CRACDL: variants seen among roughly 807,000 people sequenced by gnomAD.
The protein encoded by CRACDL is CRACD like.
CRACDL carries 26 observed loss-of-function variants against 70.6 expected under a neutral mutation model. That is an observed-to-expected ratio of 0.37 (90% CI 0.27 to 0.51). The LOEUF (loss-of-function observed/expected upper bound fraction) is 0.51. CRACDL is among the 20% of genes least tolerant of loss of function. CRACDL has a pLI of 0.94. For missense variants in CRACDL, 1,283 were observed against 1,376.9 expected (o/e 0.93, Z 1.08); for synonymous variants, 618 against 615.2 (o/e 1.00, Z -0.07).
Position 98,822,812 on chromosome 2 carries a change from G to A in CRACDL, c.1461C>T (p.Pro487=), listed in dbSNP as rs956894196. The change falls in exon 7 of 10, where the codon CCC becomes CCT. Residue 487 remains proline (P), a synonymous_variant. Coordinates refer to ENST00000397899, the MANE Select transcript of CRACDL (RefSeq NM_207362.3). The surrounding 1 kb of genome is among the most constrained non-coding windows in gnomAD (Gnocchi z 4.9). ...ERIGTEPSTA[P]APSPPAPKSC... is the part of the protein sequence containing the mutation. ...TCTTGGGCGCCGGCGGGCTCGGGGCGGGCGCCGTGGAGGGCTCGGTCCCAA... is the reference window on the plus strand; with the variant it reads ...TCTTGGGCGCCGGCGGGCTCGGGGCAGGCGCCGTGGAGGGCTCGGTCCCAA... The A allele has an allele frequency of 3.6e-6, 5 of 1,380,950 alleles. No homozygotes were observed. The highest frequency in any genetic ancestry group is 5.7e-5 in the East Asian group (2 of 35,008). The allele number at this position is 1,380,950 out of a possible 1,614,324, so 85.5% of individuals were successfully genotyped here. A position where few individuals can be genotyped will look rare whatever the true frequency, so the allele number is the denominator to read the frequency against.
Position 98,821,869 on chromosome 2 carries a change from G to T in CRACDL, c.2404C>A (p.Arg802Ser). The part of the protein sequence containing the change: ...EPRTAEKRPL[R>S]RGAEKSLPPA... ...GGCGGGCTCTTACCAGCTCCCCTGCGCAGCGGCCTTTTCTCCGCCGTCCTG... is the reference window on the plus strand; with the variant it reads ...GGCGGGCTCTTACCAGCTCCCCTGCTCAGCGGCCTTTTCTCCGCCGTCCTG... The change falls in exon 7 of 10, where the codon CGC becomes AGC. Residue 802 changes from arginine (R) to serine (S), a missense_variant. This residue lies in a region of CRACDL where 921 missense variants were observed against 881.9 expected (regional missense o/e 1.04). Coordinates refer to ENST00000397899, the MANE Select transcript of CRACDL (RefSeq NM_207362.3). The T allele has an allele frequency of 6.2e-7, 1 of 1,606,958 alleles. No homozygotes were observed.
intron 7 of CRACDL, among the ~76,000 whole-genome samples, chr2:98,801,284 C>T (rs1358279831): frequency 6.6e-6 from 1 of 152,176 alleles, no homozygotes; most frequent in Admixed American, 6.5e-5. Context: ...GGGGTCTAGA[C>T]ACCAGGAAAA....
At chr2:98,890,679 T>C (rs1707939375) in intron 1 of CRACDL, among the ~76,000 whole-genome samples, 1 of 152,206 alleles carries the variant, frequency 6.6e-6, no homozygotes, top group Non-Finnish European at 1.5e-5. Context: ...ATATACCAGT[T>C]AAGCATTCCA....
intron 7 of CRACDL, among the ~76,000 whole-genome samples, chr2:98,806,006 G>A (rs760494135): frequency 6.6e-6 from 1 of 152,242 alleles, no homozygotes; most frequent in Non-Finnish European, 1.5e-5. Flanking sequence ...GGGCCCAGAG[G>A]GGCCGTCTTC....
At chr2:98,885,155 G>A (rs965921922) in intron 1 of CRACDL, among the ~76,000 whole-genome samples, 3 of 152,222 alleles carry the variant, frequency 2.0e-5, no homozygotes, top group African/African-American at 7.2e-5. Flanking sequence ...TACAGGGGCT[G>A]TGGTTCATAG....
Position 98,897,913 on chromosome 2 carries a change from G to C in CRACDL, c.-11+38025C>G, listed in dbSNP as rs183988303. On this transcript the variant is annotated intron_variant, in intron 1 of 9. Transcript: ENST00000397899. ...GCGGAGCCCACTGTGAGGTTCAGCG[G>C]CTGGCTTATTACTGCCCTCTCTGCA... Among the ~76,000 whole-genome samples the C allele has an allele frequency of 2.0e-5, 3 of 152,214 alleles. No homozygotes were observed. In the South Asian group the frequency reaches 6.2e-4, roughly 32 times the overall value.
chr2:98,833,207 T>C (rs2104502382), intron 3 of CRACDL, among the ~76,000 whole-genome samples: 2 of 152,332 alleles, frequency 1.3e-5, no homozygotes, highest in South Asian at 4.1e-4. Context: ...ATAGGAATTT[T>C]CCTAGGAGAT....
chr2:98,843,383 A>G (rs1479445045), intron 2 of CRACDL, among the ~76,000 whole-genome samples: 1 of 152,232 alleles, frequency 6.6e-6, no homozygotes, highest in African/African-American at 2.4e-5. Flanking sequence ...TTCACAGACC[A>G]TATTTTAAAG....
chr2:98,845,177 C>A (rs1462792360), intron 2 of CRACDL, among the ~76,000 whole-genome samples: 1 of 149,436 alleles, frequency 6.7e-6, no homozygotes, highest in Non-Finnish European at 1.5e-5. Flanking sequence ...TGCCATTTTC[C>A]TTTTCTTTTC....
At chr2:98,828,453 G>A (rs1705405294) in intron 5 of CRACDL, among the ~76,000 whole-genome samples, 1 of 152,204 alleles carries the variant, frequency 6.6e-6, no homozygotes, top group Non-Finnish European at 1.5e-5. Flanking sequence ...CAACACACCA[G>A]TGCCGTCCCC....
intron 1 of CRACDL, among the ~76,000 whole-genome samples, chr2:98,864,548 CTT>C (rs1048618234): frequency 1.1e-4 from 15 of 141,738 alleles, no homozygotes; most frequent in African/African-American, 1.3e-4. Flanking sequence ...TGATTGTACC[CTT>C]TTTTTTTTTT....
At chr2:98,838,980 T>C (rs74853939) in intron 2 of CRACDL, among the ~76,000 whole-genome samples, 153 of 152,320 alleles carry the variant, frequency 1.0e-3, no homozygotes, top group African/African-American at 3.6e-3. Context: ...CATACCCAGG[T>C]TTCCATGATT....
intron 1 of CRACDL, among the ~76,000 whole-genome samples, chr2:98,880,191 G>A (rs1707606608): frequency 6.6e-6 from 1 of 152,194 alleles, no homozygotes; most frequent in Non-Finnish European, 1.5e-5. Context: ...TAGTCACTAA[G>A]GGAGCATTTG....
chr2:98,822,113 G>T lies in CRACDL; in HGVS notation c.2160C>A (p.Thr720=), dbSNP rs769604002. The change falls in exon 7 of 10, where the codon ACC becomes ACA. Residue 720 remains threonine, a synonymous_variant. Transcript: ENST00000397899. This position sits in a 1 kb window ranked among gnomAD's most constrained non-coding sequence, Gnocchi z 4.9. ...GACACTTCTCCTCCTTCGGGAGCAC[G>T]GTCAGCGACCTTTCTAACCGGACCT... is the stretch of plus-strand genomic sequence containing the variant. The part of the protein sequence containing the change: ...SAEVRLERSL[T]VLPKEEKCPL... 1 of 1,580,670 alleles carries T rather than the reference G, an allele frequency of 6.3e-7. No homozygotes were observed.
intron 1 of CRACDL, among the ~76,000 whole-genome samples, chr2:98,918,244 T>C (rs1305785950): frequency 6.6e-6 from 1 of 152,094 alleles, no homozygotes; most frequent in African/African-American, 2.4e-5. Flanking sequence ...ACCAACAGTG[T>C]AGAAGTGGCT....
At chr2:98,892,771 G>GA (rs1558626273) in intron 1 of CRACDL, among the ~76,000 whole-genome samples, 2 of 151,862 alleles carry the variant, frequency 1.3e-5, no homozygotes, top group South Asian at 4.2e-4. Context: ...TTTATTTTTG[G>GA]AAAAAAACCC....
intron 1 of CRACDL, among the ~76,000 whole-genome samples, chr2:98,847,190 C>G (rs1706296897): frequency 6.6e-6 from 1 of 152,152 alleles, no homozygotes; most frequent in African/African-American, 2.4e-5. Flanking sequence ...TCCAACCAAC[C>G]AAGGATAACC....
At chr2:98,890,445 A>G (rs1707932261) in intron 1 of CRACDL, among the ~76,000 whole-genome samples, 1 of 152,232 alleles carries the variant, frequency 6.6e-6, no homozygotes, top group Admixed American at 6.5e-5. Context: ...AACTGACTAA[A>G]GAAGGAATAA....
chr2:98,899,135 T>G (rs539882727), intron 1 of CRACDL, among the ~76,000 whole-genome samples: 1 of 152,120 alleles, frequency 6.6e-6, no homozygotes, highest in African/African-American at 2.4e-5. Context: ...CAAGGCAGGG[T>G]GGTGGCAGGA....
Sources: allele counts gnomAD v4.1 joint callset (sites outside exome capture counted in the v4.1 genomes callset), GRCh38; gene constraint gnomAD v4.1.1; regional missense constraint gnomAD v4.1.1; non-coding constraint Gnocchi (gnomAD v3.1); transcripts MANE v1.5; gene names NCBI Gene and HGNC (gene_info 2026-07-23, HGNC 2026-07-21).